OR11A1: variants seen among roughly 807,000 people sequenced by gnomAD.
OR11A1 encodes the protein olfactory receptor 11A1.
For missense variants in OR11A1, 380 were observed against 378.2 expected (o/e 1.00, Z -0.04); for synonymous variants, 158 against 152.2 (o/e 1.04, Z -0.28).
chr6:29,454,667 T>C (rs948223815), intron 1 of OR11A1, among the ~76,000 whole-genome samples: 3 of 152,148 alleles, frequency 2.0e-5, no homozygotes, highest in Non-Finnish European at 4.4e-5. Context: ...ACATTATTAG[T>C]AACACCCAAA....
At chr6:29,434,678 C>T (rs114105476) in intron 1 of OR11A1, among the ~76,000 whole-genome samples, 46 of 152,260 alleles carry the variant, frequency 3.0e-4, no homozygotes, top group African/African-American at 1.1e-3. Flanking sequence ...TTTTAGCAAA[C>T]TTTTTGTCAA....
chr6:29,450,454 T>C (rs974621071), intron 1 of OR11A1: 1 of 152,234 alleles, frequency 6.6e-6, no homozygotes. Flanking sequence ...TCCACAGCTA[T>C]AATCCTAAAA....
chr6:29,454,240 T>C (rs1785771913), intron 1 of OR11A1, among the ~76,000 whole-genome samples: 1 of 152,120 alleles, frequency 6.6e-6, no homozygotes, highest in South Asian at 2.1e-4. Context: ...ACATCTAATA[T>C]AAATAGTTAA....
At chr6:29,446,408 T>TG (rs1368439880) in intron 1 of OR11A1, among the ~76,000 whole-genome samples, 1 of 152,142 alleles carries the variant, frequency 6.6e-6, no homozygotes, top group East Asian at 1.9e-4. Context: ...AACCACCACC[T>TG]GGTTTGTGCA....
intron 1 of OR11A1, among the ~76,000 whole-genome samples, chr6:29,432,314 C>A (rs1196828142): frequency 6.6e-6 from 1 of 152,158 alleles, no homozygotes; most frequent in Non-Finnish European, 1.5e-5. Flanking sequence ...CAAATGGAGC[C>A]CACCTTTCCA....
chr6:29,440,136 A>G (rs1415508074), intron 1 of OR11A1: 1 of 1,613,156 alleles, frequency 6.2e-7, no homozygotes, highest in African/African-American at 1.3e-5. Context: ...CGTGGCAGGC[A>G]ATTTCCTCAT....
rs147036236 is a variant in OR11A1 at position 29,440,712 on chromosome 6, C to A, written c.-388-8725G>T. 83 of 1,613,738 alleles carry A rather than the reference C, an allele frequency of 5.1e-5. No homozygotes were observed. In the African/African-American group the frequency reaches 1.1e-3, roughly 21 times the overall value. ...CTTCCGGATCCCATCTGTTGCGGGC[C>A]GCCGCAAGGCCTTCTCCACCTGCTC... is the stretch of plus-strand genomic sequence containing the variant. On this transcript the variant is annotated intron_variant, in intron 1 of 4. Transcript: ENST00000377149.
chr6:29,446,322 G>T (rs1486804635), intron 1 of OR11A1, among the ~76,000 whole-genome samples: 2 of 151,958 alleles, frequency 1.3e-5, no homozygotes, highest in African/African-American at 4.8e-5. Flanking sequence ...AGCTTCCCTT[G>T]CCTATCTCCC....
intron 4 of OR11A1, chr6:29,428,550 T>C (rs1331827340): frequency 5.2e-6 from 1 of 193,164 alleles, no homozygotes; most frequent in East Asian, 1.9e-4. Flanking sequence ...GGTCAGGAGA[T>C]CGAGACCATC....
chr6:29,439,373 C>T (rs1428976297), intron 1 of OR11A1: 2 of 152,116 alleles, frequency 1.3e-5, no homozygotes, highest in East Asian at 1.9e-4. Flanking sequence ...TAGAGAAATG[C>T]TCACCCCTCT....
In OR11A1 at chr6:29,456,289, G is replaced by A. The variant is rs540434781; in HGVS notation, c.-389+698C>T. ...TGTAATCCCAGCACTTTGGGAGGCC[G>A]AGGTGGGCGGATCACGAGGTCAGGA... is the stretch of plus-strand genomic sequence containing the variant. On this transcript the variant is annotated intron_variant, in intron 1 of 4. Coordinates refer to ENST00000377149, the MANE Select transcript of OR11A1 (RefSeq NM_001394828.1). Among the ~76,000 whole-genome samples, 11 of 151,236 alleles carry A rather than the reference G, an allele frequency of 7.3e-5. 1 individual carries two copies. Among genetic ancestry groups the A allele is most frequent in the Middle Eastern group, 7.0e-3 (2 of 286 alleles).
intron 1 of OR11A1, chr6:29,439,928 G>A: frequency 3.2e-6 from 3 of 936,728 alleles, no homozygotes; most frequent in Non-Finnish European, 5.0e-6. Flanking sequence ...GATGCAGAGA[G>A]AGGTCATCTT....
At chr6:29,443,809 A>G (rs1020823367) in intron 1 of OR11A1, among the ~76,000 whole-genome samples, 1 of 152,082 alleles carries the variant, frequency 6.6e-6, no homozygotes, top group South Asian at 2.1e-4. Flanking sequence ...TCCTCACGAT[A>G]TATTTTTGAG....
chr6:29,444,966 C>T (rs1184018317), intron 1 of OR11A1, among the ~76,000 whole-genome samples: 1 of 152,188 alleles, frequency 6.6e-6, no homozygotes, highest in East Asian at 1.9e-4. Flanking sequence ...CTATAGTGCA[C>T]CCCAGCTCCT....
chr6:29,431,750 G>T, intron 2 of OR11A1, 114 bp downstream of exon 2: 1 of 461,384 alleles, frequency 2.2e-6, no homozygotes, highest in Non-Finnish European at 2.8e-6. Flanking sequence ...GACTCTCTGG[G>T]TTAATTGAAA....
chr6:29,439,903 C>T, intron 1 of OR11A1: 1 of 759,390 alleles, frequency 1.3e-6, no homozygotes, highest in Non-Finnish European at 2.2e-6. Context: ...AAAGGGAGAT[C>T]TAGTGCTGCG....
At chr6:29,431,811 T>C in intron 2 of OR11A1, 53 bp downstream of exon 2, 1 of 975,550 alleles carries the variant, frequency 1.0e-6, no homozygotes, top group Non-Finnish European at 1.2e-6. Context: ...CATTTAACTT[T>C]TTTAAAGAAT....
chr6:29,437,136 C>T (rs141611861), intron 1 of OR11A1, among the ~76,000 whole-genome samples: 5,939 of 152,264 alleles, frequency 0.039, 275 homozygotes, highest in African/African-American at 0.11. Flanking sequence ...GTGGCGATTC[C>T]TCAGGGATCT....
chr6:29,442,751 C>G (rs1180403806), intron 1 of OR11A1, among the ~76,000 whole-genome samples: 2 of 152,256 alleles, frequency 1.3e-5, no homozygotes, highest in Non-Finnish European at 2.9e-5. Context: ...AACTACTGCT[C>G]TTCAATTGAA....
Sources: allele counts gnomAD v4.1 joint callset (sites outside exome capture counted in the v4.1 genomes callset), GRCh38; gene constraint gnomAD v4.1.1; transcripts MANE v1.5; gene names NCBI Gene and HGNC (gene_info 2026-07-23, HGNC 2026-07-21).